Variants in MREG observed in about 807,000 individuals in gnomAD.
The protein encoded by MREG is dilute suppressor protein homolog.
In MREG, 31 loss-of-function variants were observed where a neutral mutation model predicts 28.5. The ratio of observed to expected loss-of-function variants is 1.09; its 90% CI spans 0.82 to 1.47. The LOEUF (loss-of-function observed/expected upper bound fraction) is 1.47, where lower values mean the gene tolerates loss of function less well. MREG is among the 40% of genes most tolerant of loss of function. The probability of loss-of-function intolerance (pLI) is 0.00; values close to 1 mark genes in which losing one functional copy is unlikely to be tolerated. For synonymous variants in MREG, 106 were observed against 95.2 expected, an observed-to-expected ratio of 1.11 and a Z score of -0.66; for missense variants, 256 against 257.4, an observed-to-expected ratio of 0.99 and a Z score of 0.04.
At chr2:216,030,938 TCTCTCTCTCTCTCTCTCTCACACACACA>T (rs1694674297) in intron 1 of MREG, among the ~76,000 whole-genome samples, 2 of 50,988 alleles carry the variant, frequency 3.9e-5, no homozygotes, top group Non-Finnish European at 9.3e-5. Flanking sequence ...TCTCTCTCTC[TCTCTCTCTCTCTCTCTCTCACACACACA>T]CACACACACA....
At chr2:215,974,825 GAC>G (rs71982102) in intron 2 of MREG, among the ~76,000 whole-genome samples, 47,185 of 125,452 alleles carry the variant, frequency 0.38, 9,345 homozygotes, top group Admixed American at 0.46. Flanking sequence ...CACACACACA[GAC>G]ACACACACAC....
upstream of MREG, among the ~76,000 whole-genome samples, chr2:216,017,161 G>A (rs890339795): frequency 2.0e-5 from 3 of 151,210 alleles, no homozygotes; most frequent in African/African-American, 4.9e-5. Flanking sequence ...TTGTTAGTGA[G>A]TTTTGTTTTG....
intron 2 of MREG, among the ~76,000 whole-genome samples, chr2:215,995,505 C>CG (rs1693845536): frequency 2.3e-5 from 3 of 131,708 alleles, no homozygotes; most frequent in African/African-American, 1.1e-4. Context: ...CCTCCACCCA[C>CG]CCCACCCCCC....
chr2:216,029,288 G>A (rs895516294), intron 1 of MREG, among the ~76,000 whole-genome samples: 9 of 152,102 alleles, frequency 5.9e-5, no homozygotes, highest in South Asian at 2.1e-4. Context: ...GACCATCGTC[G>A]CCAACATGGT....
intron 2 of MREG, among the ~76,000 whole-genome samples, chr2:215,974,392 A>C (rs1037113192): frequency 6.6e-6 from 1 of 152,140 alleles, no homozygotes; most frequent in Admixed American, 6.5e-5. Context: ...TATTCAATTA[A>C]AGCCAGAAAG....
chr2:216,012,413 A>T (rs186859246), intron 1 of MREG, among the ~76,000 whole-genome samples: 1 of 152,336 alleles, frequency 6.6e-6, no homozygotes, highest in East Asian at 1.9e-4. Context: ...CGTGAGTTTC[A>T]TACTTCAAAA....
chr2:215,984,425 G>A lies in MREG; in HGVS notation c.255+11881C>T, dbSNP rs1693510246. ...TCCAATGCTTTGGGAGGCCAAGGCA[G>A]AAGAATTGCTGGAGCCCAGGAGGTC... is the stretch of plus-strand genomic sequence containing the variant. On this transcript the variant is annotated intron_variant, in intron 2 of 4. Coordinates refer to ENST00000263268, the MANE Select transcript of MREG (RefSeq NM_018000.3). 4.1e-5 allele frequency among the ~76,000 whole-genome samples: 6 copies of A among 145,454 alleles called. No homozygotes were observed. In the Admixed American group the frequency reaches 4.3e-4, roughly 10 times the overall value.
intron 1 of MREG, among the ~76,000 whole-genome samples, chr2:216,009,788 G>A (rs945851265): frequency 1.3e-5 from 2 of 151,938 alleles, no homozygotes; most frequent in East Asian, 1.9e-4. Context: ...CGCCTGCCTC[G>A]GCCTCCCAAA....
intron 2 of MREG, among the ~76,000 whole-genome samples, chr2:215,978,613 A>C (rs1042056137): frequency 6.6e-6 from 1 of 152,240 alleles, no homozygotes; most frequent in Non-Finnish European, 1.5e-5. Flanking sequence ...TCTCTGATGA[A>C]TATCGATGCA....
At chr2:215,966,226 T>C (rs992685289) in intron 2 of MREG, among the ~76,000 whole-genome samples, 3 of 152,186 alleles carry the variant, frequency 2.0e-5, no homozygotes, top group Admixed American at 2.0e-4. Flanking sequence ...ATAGCCTGCC[T>C]CTTCGGAATT....
At chr2:215,997,668 G>A (rs750986130) in intron 1 of MREG, among the ~76,000 whole-genome samples, 32 of 152,142 alleles carry the variant, frequency 2.1e-4, no homozygotes, top group Non-Finnish European at 2.6e-4. Flanking sequence ...GGGAGCTCAG[G>A]AGGCCATGAG....
chr2:216,020,821 G>A (rs960203031), intron 1 of MREG, among the ~76,000 whole-genome samples: 12 of 152,192 alleles, frequency 7.9e-5, no homozygotes, highest in South Asian at 4.1e-4. Context: ...CCAAAGCCCC[G>A]CAAAACACAC....
chr2:215,947,224 C>T, intron 2 of MREG, 111 bp from the exon 3 acceptor site: 1 of 654,240 alleles, frequency 1.5e-6, no homozygotes, highest in Non-Finnish European at 2.7e-6. Flanking sequence ...TATTAATCTT[C>T]AAAGCAAGCC....
chr2:215,998,573 G>T (rs1693934585), intron 1 of MREG, among the ~76,000 whole-genome samples: 1 of 152,154 alleles, frequency 6.6e-6, no homozygotes, highest in Admixed American at 6.5e-5. Context: ...TGGGAAATCA[G>T]ACACAGCTCA....
In MREG at chr2:215,998,914, T is replaced by TTA. The variant is rs397961309; in HGVS notation, c.96-2450_96-2449insTA. On this transcript the variant is annotated intron_variant, in intron 1 of 4. Coordinates refer to ENST00000263268, the MANE Select transcript of MREG (RefSeq NM_018000.3). ...ATGCAATGAGATCAGTACATTTTTT[T>TTA]AAAAAAAGTCTACACAGATTGTTGT... 6.1e-4 allele frequency among the ~76,000 whole-genome samples: 92 copies of TTA among 151,994 alleles called. 2 individuals are homozygous for TTA. The highest frequency in any genetic ancestry group is 2.2e-3 in the African/African-American group (90 of 41,430).
chr2:216,029,686 C>G (rs2105933783), intron 1 of MREG, among the ~76,000 whole-genome samples: 1 of 152,344 alleles, frequency 6.6e-6, no homozygotes, highest in Admixed American at 6.5e-5. Flanking sequence ...AAATACACAG[C>G]CTAGACTAAC....
chr2:215,994,868 G>T (rs1197198717), intron 2 of MREG, among the ~76,000 whole-genome samples: 1 of 152,034 alleles, frequency 6.6e-6, no homozygotes, highest in Admixed American at 6.5e-5. Context: ...CATTTGCATG[G>T]GGCCCTGGTG....
chr2:215,978,526 C>T (rs2105997839), intron 2 of MREG, among the ~76,000 whole-genome samples: 1 of 152,318 alleles, frequency 6.6e-6, no homozygotes, highest in Middle Eastern at 3.4e-3. Flanking sequence ...CTCCCTAACT[C>T]GTTTTATGAG....
chr2:216,031,424 GAAA>G (rs1694689393), intron 1 of MREG, among the ~76,000 whole-genome samples: 2 of 35,172 alleles, frequency 5.7e-5, no homozygotes, highest in South Asian at 1.7e-3. Context: ...AAGGAAGAAA[GAAA>G]GAAAAGAAAG....
Sources: gnomAD v4.1 joint callset for allele counts (sites outside exome capture counted in the v4.1 genomes callset) on GRCh38, gnomAD v4.1.1 for gene constraint, MANE v1.5 for transcripts, NCBI Gene and HGNC (gene_info 2026-07-23, HGNC 2026-07-21) for gene names.